Variants in UTRN observed in about 807,000 individuals in gnomAD.
UTRN encodes the protein utrophin.
In UTRN, 283 loss-of-function variants were observed where a neutral mutation model predicts 463.9. The ratio of observed to expected loss-of-function variants is 0.61; its 90% CI spans 0.55 to 0.67. UTRN has a LOEUF of 0.67. Among genes scored for constraint, UTRN ranks in the 30% least tolerant of loss-of-function variants. The probability of loss-of-function intolerance (pLI) is 0.00; values close to 1 mark genes in which losing one functional copy is unlikely to be tolerated. For synonymous variants in UTRN, 1,442 were observed against 1,431.5 expected, an observed-to-expected ratio of 1.01 and a Z score of -0.17; for missense variants, 3,922 against 4,084.3, an observed-to-expected ratio of 0.96 and a Z score of 1.08.
chr6:144,348,075 G>C (rs923216770), intron 2 of UTRN, among the ~76,000 whole-genome samples: 1 of 151,988 alleles, frequency 6.6e-6, no homozygotes, highest in African/African-American at 2.4e-5. Flanking sequence ...TTGAACTCCT[G>C]AGCTCGAGTG....
chr6:144,663,133 T>TA (rs1780037398), intron 51 of UTRN, among the ~76,000 whole-genome samples: 1 of 152,064 alleles, frequency 6.6e-6, no homozygotes, highest in African/African-American at 2.4e-5. Flanking sequence ...GACAGCTCAT[T>TA]ACAGATTAGG....
At chr6:144,435,145 A>C (rs1327046732) in intron 9 of UTRN, among the ~76,000 whole-genome samples, 1 of 152,188 alleles carries the variant, frequency 6.6e-6, no homozygotes, top group Non-Finnish European at 1.5e-5. Context: ...ATTGTTCTCT[A>C]TACGTTTCTG....
intron 66 of UTRN, among the ~76,000 whole-genome samples, chr6:144,825,231 T>G (rs191224899): frequency 4.6e-5 from 7 of 152,296 alleles, no homozygotes; most frequent in Admixed American, 1.3e-4. Flanking sequence ...TCTGGAATAT[T>G]AGTGTGTGAT....
intron 9 of UTRN, among the ~76,000 whole-genome samples, chr6:144,431,250 C>CT: frequency 1.3e-5 from 2 of 152,268 alleles, no homozygotes; most frequent in Middle Eastern, 3.4e-3. Flanking sequence ...AGGAAGGAGA[C>CT]TTCATTTACT....
rs1314741950 is a variant in UTRN, at chr6:144,474,673, C to T, written c.3250C>T (p.Arg1084Ter). ...CATGAAGGAAATAGAGACTAATCTT[C>T]GAAGTGGTCCAGTTGCTGGAATAAA... Reference protein sequence around the residue: ...KNMKEIETNLRSGPVAGIKTW... With the variant: ...KNMKEIETNL Residue 1084 changes from arginine to a stop codon, truncating the protein, a stop_gained, in exon 25 of 75, where the codon CGA becomes TGA. Coordinates refer to ENST00000367545, the MANE Select transcript of UTRN (RefSeq NM_007124.3). LOFTEE classifies it high-confidence loss of function. 2.5e-6 allele frequency: 4 copies of T among 1,613,824 alleles called. No individual in the cohort carries two copies. The highest frequency in any genetic ancestry group is 2.5e-6 in the Non-Finnish European group (3 of 1,179,944).
rs185348580 is a variant in UTRN, at chr6:144,302,865, T to C, written c.79+10958T>C. On this transcript the variant is annotated intron_variant, in intron 2 of 74. Coordinates refer to ENST00000367545, the MANE Select transcript of UTRN (RefSeq NM_007124.3). ...AGTGTGGGAAGAACATTGCAGATGATGAGAAAAGAGCAAGGCATTTGAAGT... is the reference window on the plus strand; with the variant it reads ...AGTGTGGGAAGAACATTGCAGATGACGAGAAAAGAGCAAGGCATTTGAAGT... 6.6e-5 allele frequency among the ~76,000 whole-genome samples: 10 copies of C among 152,256 alleles called. No homozygotes were observed. The East Asian group carries it at 1.9e-3, about 29-fold the overall frequency.
rs1793180889 is a variant in UTRN, at chr6:144,765,335, G to A, written c.8496-6572G>A. ...ATATTGACATCTTATATTTTGGGGT[G>A]TATGGTATGGTAGCCTATTTCTATA... On this transcript the variant is annotated intron_variant, in intron 58 of 74. Coordinates refer to ENST00000367545, the MANE Select transcript of UTRN (RefSeq NM_007124.3). Among the ~76,000 whole-genome samples, 7 of 152,166 alleles carry A rather than the reference G, an allele frequency of 4.6e-5. No individual in the cohort carries two copies. In the South Asian group the frequency reaches 1.4e-3, roughly 31 times the overall value.
chr6:144,594,990 G>C (rs1231043782), intron 51 of UTRN, among the ~76,000 whole-genome samples: 1 of 152,072 alleles, frequency 6.6e-6, no homozygotes, highest in South Asian at 2.1e-4. Flanking sequence ...TATGTTAAAT[G>C]CTATGTAAAT....
intron 23 of UTRN, among the ~76,000 whole-genome samples, chr6:144,472,312 CTTTT>C (rs760604326): frequency 2.2e-5 from 3 of 134,988 alleles, no homozygotes; most frequent in Non-Finnish European, 4.9e-5. Flanking sequence ...ACTTTCTTTT[CTTTT>C]TTTTTTTTTT....
At chr6:144,692,872 A>T (rs1783580222) in intron 52 of UTRN, among the ~76,000 whole-genome samples, 1 of 152,140 alleles carries the variant, frequency 6.6e-6, no homozygotes. Context: ...TTTGCTGTGC[A>T]GAAGCTCTTT....
At position 144,656,998 on chromosome 6, in the gene UTRN, C is replaced by T. The variant is rs145884773; in HGVS notation, c.7480-21408C>T. Among the ~76,000 whole-genome samples, 819 of 152,276 alleles carry T rather than the reference C, an allele frequency of 5.4e-3. 6 individuals carry two copies. Among genetic ancestry groups the T allele is most frequent in the African/African-American group, 0.019 (792 of 41,578 alleles). On this transcript the variant is annotated intron_variant, in intron 51 of 74. Coordinates refer to ENST00000367545, the MANE Select transcript of UTRN (RefSeq NM_007124.3). ...GGGTGTAGTGGCTTACGCCTGTAAT[C>T]CCAGCACTTTGGAAGGCCGAGGCAG...
At chr6:144,348,706 G>A (rs1434592227) in intron 2 of UTRN, among the ~76,000 whole-genome samples, 2 of 152,092 alleles carry the variant, frequency 1.3e-5, no homozygotes, top group African/African-American at 4.8e-5. Context: ...AGGCCGAGGC[G>A]GGCAGATCAC....
At chr6:144,777,041 G>A (rs1775384604) in intron 60 of UTRN, among the ~76,000 whole-genome samples, 2 of 152,174 alleles carry the variant, frequency 1.3e-5, no homozygotes, top group South Asian at 4.1e-4. Context: ...TTAATATTCT[G>A]TTTATTAGTT....
intron 2 of UTRN, among the ~76,000 whole-genome samples, chr6:144,385,504 T>C (rs1449964682): frequency 6.6e-6 from 1 of 152,234 alleles, no homozygotes; most frequent in Non-Finnish European, 1.5e-5. Flanking sequence ...CTTCAACAGT[T>C]ATCTGGACTT....
At chr6:144,351,174 G>A (rs1291902150) in intron 2 of UTRN, among the ~76,000 whole-genome samples, 1 of 152,128 alleles carries the variant, frequency 6.6e-6, no homozygotes, top group Non-Finnish European at 1.5e-5. Flanking sequence ...GTCTTTAAAG[G>A]TACATCTTTG....
At chr6:144,620,623 T>C (rs1303078212) in intron 51 of UTRN, among the ~76,000 whole-genome samples, 1 of 152,194 alleles carries the variant, frequency 6.6e-6, no homozygotes, top group African/African-American at 2.4e-5. Context: ...TCTCTATGTC[T>C]GTATTTCATG....
chr6:144,683,089 C>T (rs950336654), intron 52 of UTRN, among the ~76,000 whole-genome samples: 1 of 152,016 alleles, frequency 6.6e-6, no homozygotes, highest in African/African-American at 2.4e-5. Flanking sequence ...ATAGAGAACT[C>T]AAATGCCATG....
intron 2 of UTRN, among the ~76,000 whole-genome samples, chr6:144,374,818 C>G (rs111922514): frequency 6.6e-6 from 1 of 151,572 alleles, no homozygotes; most frequent in Non-Finnish European, 1.5e-5. Context: ...TGGTGGCCTG[C>G]GCCTGTAATC....
chr6:144,797,914 C>A lies in UTRN; in HGVS notation c.9169C>A (p.Arg3057=), dbSNP rs373514468. 18 of 1,614,032 alleles carry A rather than the reference C, an allele frequency of 1.1e-5. No individual in the cohort carries two copies. Among genetic ancestry groups the A allele is most frequent in the Non-Finnish European group, 1.4e-5 (17 of 1,180,014 alleles). The change falls in exon 64 of 75, where the codon CGA becomes AGA. Residue 3057 remains arginine, a synonymous_variant. Transcript: ENST00000367545. ...QSMVWLPVLH[R]VAAAETAKHQ... is the part of the protein sequence containing the mutation. ...CATGGTTTGGCTCCCAGTTTTACATCGAGTGGCAGCAGCGGAGACTGCAAA... is the reference window on the plus strand; with the variant it reads ...CATGGTTTGGCTCCCAGTTTTACATAGAGTGGCAGCAGCGGAGACTGCAAA...
Sources: gnomAD v4.1 joint callset for allele counts (sites outside exome capture counted in the v4.1 genomes callset) on GRCh38, gnomAD v4.1.1 for gene constraint, MANE v1.5 for transcripts, NCBI Gene and HGNC (gene_info 2026-07-23, HGNC 2026-07-21) for gene names.